Variants in SLC22A24 observed in about 807,000 individuals in gnomAD.
SLC22A24 encodes steroid transmembrane transporter SLC22A24.
Under a neutral mutation model 49.8 loss-of-function variants are expected in SLC22A24, and 53 were observed. The observed-to-expected ratio is 1.06, with a 90% CI of 0.85 to 1.34. SLC22A24 has a LOEUF of 1.34. Ranked by LOEUF, SLC22A24 falls within the 40% of genes most tolerant of loss-of-function variation. SLC22A24 has a pLI of 0.00. For synonymous variants in SLC22A24, 302 were observed against 256.4 expected, an observed-to-expected ratio of 1.18 and a Z score of -1.70; for missense variants, 786 against 675.9, an observed-to-expected ratio of 1.16 and a Z score of -1.81.
intron 1 of SLC22A24, among the ~76,000 whole-genome samples, chr11:63,141,964 T>C (rs560838131): frequency 1.6e-4 from 24 of 152,158 alleles, no homozygotes; most frequent in Non-Finnish European, 3.1e-4. Context: ...TGTTTTTTTT[T>C]CTGCAGGTTA....
chr11:63,082,791 G>A (rs1489880928), intron 7 of SLC22A24, among the ~76,000 whole-genome samples: 1 of 152,222 alleles, frequency 6.6e-6, no homozygotes, highest in Admixed American at 6.5e-5. Context: ...AATATACAGG[G>A]AAGAGGATAT....
chr11:63,093,798 G>A (rs1565325034), intron 6 of SLC22A24, among the ~76,000 whole-genome samples: 3 of 151,892 alleles, frequency 2.0e-5, no homozygotes, highest in Non-Finnish European at 4.4e-5. Flanking sequence ...CCTGTGACAC[G>A]AGTTTACCTA....
intron 6 of SLC22A24, among the ~76,000 whole-genome samples, 183 bp from the exon 7 acceptor site, chr11:63,083,640 T>A (rs1051543520): frequency 2.6e-5 from 4 of 152,192 alleles, no homozygotes; most frequent in African/African-American, 9.7e-5. Flanking sequence ...CAGACAATGG[T>A]CTTAAAATAA....
rs1256548604 is a variant in SLC22A24, at chr11:63,081,555, T to G, written c.1394+3A>C. The G allele has an allele frequency of 6.5e-7, 1 of 1,544,876 alleles. No individual in the cohort carries two copies. The highest frequency in any genetic ancestry group is 2.4e-5 in the East Asian group (1 of 40,912). ...GAAACCAGATGGTCTTTAGCTCTTG[T>G]ACCTCAATATGGTGGGGACGAGCTC... On this transcript the variant is annotated splice_donor_region_variant and intron_variant, in intron 8 of 9. Coordinates refer to ENST00000612278, the MANE Select transcript of SLC22A24 (RefSeq NM_001136506.2).
intron 2 of SLC22A24, among the ~76,000 whole-genome samples, chr11:63,122,639 C>A (rs535223479): frequency 6.6e-6 from 1 of 152,070 alleles, no homozygotes; most frequent in Non-Finnish European, 1.5e-5. Context: ...CTCAGCCTCC[C>A]GAGTAGCTGG....
rs770334494 is a variant in SLC22A24 at position 63,081,156 on chromosome 11, G to T, written c.1395-33C>A. 1.7e-5 allele frequency: 26 copies of T among 1,508,576 alleles called. 1 individual carries two copies. The South Asian group carries it at 2.3e-4, about 13-fold the overall frequency. 93.4% of individuals were successfully genotyped at this position (1,508,576 alleles called of 1,614,324 possible). A position where few individuals can be genotyped will look rare whatever the true frequency, so the allele number is the denominator to read the frequency against. On this transcript the variant is annotated intron_variant, in intron 8 of 9. Transcript: ENST00000612278. Reference sequence around the variant, plus strand: ...TGCAAATAACAATACAAAAAATCTTGTATGAATCTGTACATGTCAGCTCTT... The same window carrying T: ...TGCAAATAACAATACAAAAAATCTTTTATGAATCTGTACATGTCAGCTCTT...
At chr11:63,129,993 C>T (rs2087322001) in intron 2 of SLC22A24, among the ~76,000 whole-genome samples, 1 of 152,120 alleles carries the variant, frequency 6.6e-6, no homozygotes, top group African/African-American at 2.4e-5. Flanking sequence ...ATTGCCGTGG[C>T]CAGAACTTCC....
intron 5 of SLC22A24, among the ~76,000 whole-genome samples, chr11:63,098,032 C>G (rs1406999228): frequency 1.3e-5 from 2 of 151,972 alleles, no homozygotes; most frequent in Non-Finnish European, 2.9e-5. Flanking sequence ...CACATGTATA[C>G]CTATGTAACA....
chr11:63,131,863 C>T (rs1181674751), intron 2 of SLC22A24, among the ~76,000 whole-genome samples: 2 of 152,212 alleles, frequency 1.3e-5, no homozygotes, highest in African/African-American at 4.8e-5. Context: ...GGATAACATC[C>T]TGAAGAGTAT....
chr11:63,130,969 G>C (rs1048120465), intron 2 of SLC22A24, among the ~76,000 whole-genome samples: 3 of 152,040 alleles, frequency 2.0e-5, no homozygotes, highest in Non-Finnish European at 4.4e-5. Context: ...TGTATTGGGT[G>C]TATATATATT....
At chr11:63,085,771 G>A (rs2086983845) in intron 6 of SLC22A24, among the ~76,000 whole-genome samples, 1 of 152,206 alleles carries the variant, frequency 6.6e-6, no homozygotes, top group African/African-American at 2.4e-5. Flanking sequence ...TGGTGACAAT[G>A]ATGACGATGA....
At chr11:63,086,310 A>G (rs1284306932) in intron 6 of SLC22A24, among the ~76,000 whole-genome samples, 1 of 152,198 alleles carries the variant, frequency 6.6e-6, no homozygotes, top group Admixed American at 6.5e-5. Flanking sequence ...GGTAGACTGG[A>G]TAAAGGAAAT....
chr11:63,117,332 A>G (rs142181123), intron 4 of SLC22A24, among the ~76,000 whole-genome samples: 83 of 152,300 alleles, frequency 5.4e-4, no homozygotes, highest in Non-Finnish European at 1.3e-4. Context: ...CTGAATCTCT[A>G]CTTGGTTAGC....
intron 2 of SLC22A24, among the ~76,000 whole-genome samples, chr11:63,126,112 C>T (rs901033622): frequency 6.6e-6 from 1 of 152,068 alleles, no homozygotes; most frequent in Non-Finnish European, 1.5e-5. Flanking sequence ...TGTATGTTTC[C>T]TGTTCACTCT....
At chr11:63,107,960 C>G (rs2087133058) in intron 4 of SLC22A24, among the ~76,000 whole-genome samples, 1 of 152,084 alleles carries the variant, frequency 6.6e-6, no homozygotes, top group Non-Finnish European at 1.5e-5. Flanking sequence ...GCCAGAACTT[C>G]CAACACTATG....
At chr11:63,093,074 A>G (rs1484961672) in intron 6 of SLC22A24, among the ~76,000 whole-genome samples, 1 of 152,214 alleles carries the variant, frequency 6.6e-6, no homozygotes, top group Non-Finnish European at 1.5e-5. Flanking sequence ...TATGTGGCCA[A>G]CAAACATGAA....
chr11:63,081,945 T>C (rs1319676717), intron 7 of SLC22A24, among the ~76,000 whole-genome samples: 1 of 152,176 alleles, frequency 6.6e-6, no homozygotes, highest in Non-Finnish European at 1.5e-5. Flanking sequence ...CAACAGGAAA[T>C]ATTTGTTTTA....
chr11:63,130,544 G>A (rs2087326489), intron 2 of SLC22A24, among the ~76,000 whole-genome samples: 1 of 152,132 alleles, frequency 6.6e-6, no homozygotes, highest in Non-Finnish European at 1.5e-5. Flanking sequence ...GTTTCAGAAG[G>A]AATGGTACCT....
chr11:63,118,160 A>T (rs901561740), intron 4 of SLC22A24, among the ~76,000 whole-genome samples: 4 of 152,132 alleles, frequency 2.6e-5, no homozygotes, highest in Non-Finnish European at 5.9e-5. Context: ...CTTTTTGTGA[A>T]TGAGGTTTTG....
Sources: allele counts gnomAD v4.1 joint callset (sites outside exome capture counted in the v4.1 genomes callset), GRCh38; gene constraint gnomAD v4.1.1; transcripts MANE v1.5; gene names NCBI Gene and HGNC (gene_info 2026-07-23, HGNC 2026-07-21).